Variants in GSTA5 observed in about 807,000 individuals in gnomAD.
GSTA5 encodes glutathione S-transferase A5.
Under a neutral mutation model 21.8 loss-of-function variants are expected in GSTA5, and 25 were observed. That is an observed-to-expected ratio of 1.14 (90% CI 0.83 to 1.60). GSTA5 has a LOEUF of 1.60. Among genes scored for constraint, GSTA5 ranks in the 40% most tolerant of loss-of-function variants. The pLI is 0.00. For synonymous variants in GSTA5, 102 were observed against 89.5 expected, an observed-to-expected ratio of 1.14 and a Z score of -0.78; for missense variants, 330 against 259.2, an observed-to-expected ratio of 1.27 and a Z score of -1.88.
chr6:52,842,256 G>A (rs966038870), upstream of GSTA5, among the ~76,000 whole-genome samples: 3 of 152,184 alleles, frequency 2.0e-5, no homozygotes, highest in African/African-American at 4.8e-5. Flanking sequence ...CTCATTGAAA[G>A]CAGGAGTTCC....
intron 4 of GSTA5, among the ~76,000 whole-genome samples, chr6:52,833,665 G>A (rs73740664): frequency 0.011 from 1,694 of 152,262 alleles, 29 homozygotes; most frequent in African/African-American, 0.038. Flanking sequence ...GCATCCCACA[G>A]TCACTCTCCT....
chr6:52,843,921 C>G (rs938089009), upstream of GSTA5, among the ~76,000 whole-genome samples: 4 of 152,126 alleles, frequency 2.6e-5, no homozygotes, highest in African/African-American at 9.7e-5. Context: ...CATATCGCCT[C>G]TCAATATGAG....
upstream of GSTA5, among the ~76,000 whole-genome samples, chr6:52,845,637 C>G (rs1237984067): frequency 1.3e-5 from 2 of 152,124 alleles, no homozygotes; most frequent in Non-Finnish European, 2.9e-5. Flanking sequence ...TATAATAAAC[C>G]TTAGTTTTGA....
chr6:52,844,373 C>G (rs1250437909), upstream of GSTA5, among the ~76,000 whole-genome samples: 1 of 152,192 alleles, frequency 6.6e-6, no homozygotes, highest in African/African-American at 2.4e-5. Context: ...CTCTTAGCAA[C>G]TTTTCAGGGG....
chr6:52,839,996 T>C (rs7742946), intron 1 of GSTA5, among the ~76,000 whole-genome samples: 149,951 of 152,318 alleles, frequency 0.98, 73,859 homozygotes, highest in East Asian at 1. Context: ...CTGGAATTAA[T>C]AAGTGCTCAA....
At chr6:52,834,563 C>T (rs1764267302) in intron 3 of GSTA5, among the ~76,000 whole-genome samples, 1 of 152,120 alleles carries the variant, frequency 6.6e-6, no homozygotes. Flanking sequence ...AAAAGAGCAT[C>T]GGTGGTCACA....
At chr6:52,839,291 T>A (rs1222723944) in intron 1 of GSTA5, among the ~76,000 whole-genome samples, 1 of 152,166 alleles carries the variant, frequency 6.6e-6, no homozygotes, top group Non-Finnish European at 1.5e-5. Context: ...GATGGAGACC[T>A]GGGAACCTGG....
chr6:52,833,467 C>T (rs935730080), intron 4 of GSTA5, among the ~76,000 whole-genome samples: 4 of 152,184 alleles, frequency 2.6e-5, no homozygotes, highest in African/African-American at 9.7e-5. Context: ...CTGCCCTCCT[C>T]ATTCCCTGCT....
At position 52,831,715 on chromosome 6, in the gene GSTA5, A is replaced by T. The variant is rs1764217158; in HGVS notation, c.*133T>A. 7 of 1,056,292 alleles carry T rather than the reference A, an allele frequency of 6.6e-6. No individual in the cohort carries two copies. The South Asian group carries it at 1.1e-4, about 16-fold the overall frequency. 65.4% of individuals were successfully genotyped at this position (1,056,292 alleles called of 1,614,324 possible). A position where few individuals can be genotyped will look rare whatever the true frequency, so the allele number is the denominator to read the frequency against. ...AGTTGACAGATAAGAGTTATTTATTATTTAATTAGCATGTAATTGGAAAGA... is the reference window on the plus strand; with the variant it reads ...AGTTGACAGATAAGAGTTATTTATTTTTTAATTAGCATGTAATTGGAAAGA... On this transcript the variant is annotated 3_prime_UTR_variant, in exon 6 of 6. Transcript: ENST00000370989.
intron 1 of GSTA5, among the ~76,000 whole-genome samples, chr6:52,840,223 T>A (rs1184636316): frequency 6.6e-6 from 1 of 152,194 alleles, no homozygotes; most frequent in Non-Finnish European, 1.5e-5. Context: ...GAATCAATAA[T>A]TATCAACCAA....
At chr6:52,844,980 T>G (rs1764433694), upstream of GSTA5, among the ~76,000 whole-genome samples, 1 of 152,232 alleles carries the variant, frequency 6.6e-6, no homozygotes, top group Admixed American at 6.5e-5. Context: ...TATGCATTTG[T>G]CTGTAATCTG....
At chr6:52,831,728 G>A (rs1764217232) in exon 6 of GSTA5, 2 of 1,169,980 alleles carry the variant, frequency 1.7e-6, no homozygotes. Flanking sequence ...TAATTAGCAT[G>A]TAATTGGAAA....
chr6:52,844,044 C>A (rs746833710), upstream of GSTA5, among the ~76,000 whole-genome samples: 3 of 152,044 alleles, frequency 2.0e-5, no homozygotes, highest in Non-Finnish European at 4.4e-5. Flanking sequence ...CACACACATG[C>A]TCCTCATTCA....
intron 2 of GSTA5, 140 bp from the exon 3 acceptor site, chr6:52,836,508 T>G: frequency 1.2e-6 from 1 of 861,038 alleles, no homozygotes; most frequent in Non-Finnish European, 1.8e-6. Flanking sequence ...TTGAAACAAC[T>G]TTTTTCCTTG....
chr6:52,838,564 A>G (rs1764323932), intron 1 of GSTA5, among the ~76,000 whole-genome samples: 1 of 152,258 alleles, frequency 6.6e-6, no homozygotes, highest in African/African-American at 2.4e-5. Context: ...TTTGGTGGAA[A>G]TAGCAGCCAG....
upstream of GSTA5, among the ~76,000 whole-genome samples, chr6:52,841,625 G>A (rs1287555350): frequency 6.6e-6 from 1 of 152,242 alleles, no homozygotes; most frequent in Non-Finnish European, 1.5e-5. Flanking sequence ...CAAAAGAGAT[G>A]TTGCTGCATT....
chr6:52,845,357 T>C (rs1365603710), upstream of GSTA5, among the ~76,000 whole-genome samples: 1 of 152,124 alleles, frequency 6.6e-6, no homozygotes, highest in Non-Finnish European at 1.5e-5. Flanking sequence ...GGTTGTCACA[T>C]CTGCGGGGAG....
chr6:52,842,925 C>T (rs1297537358), upstream of GSTA5, among the ~76,000 whole-genome samples: 9 of 152,068 alleles, frequency 5.9e-5, no homozygotes, highest in East Asian at 1.9e-4. Flanking sequence ...CTATAGGTCC[C>T]GGTGTGTGAT....
chr6:52,839,459 T>C (rs1338904542), intron 1 of GSTA5, among the ~76,000 whole-genome samples: 1 of 152,234 alleles, frequency 6.6e-6, no homozygotes, highest in Non-Finnish European at 1.5e-5. Context: ...TTTGGATTTC[T>C]TATGTGCTTA....
Sources: allele counts gnomAD v4.1 joint callset (sites outside exome capture counted in the v4.1 genomes callset), GRCh38; gene constraint gnomAD v4.1.1; transcripts MANE v1.5; gene names NCBI Gene and HGNC (gene_info 2026-07-23, HGNC 2026-07-21).